DSP: variants seen among roughly 807,000 people sequenced by gnomAD.
DSP encodes the protein 250/210 kDa paraneoplastic pemphigus antigen.
Under a neutral mutation model 290.6 loss-of-function variants are expected in DSP, and 114 were observed. The ratio of observed to expected loss-of-function variants is 0.39; its 90% confidence interval spans 0.34 to 0.46. The LOEUF (loss-of-function observed/expected upper bound fraction) is 0.46. Among genes scored for constraint, DSP ranks in the 20% least tolerant of loss-of-function variants. The pLI is 0.99. For synonymous variants in DSP, 1,311 were observed against 1,316.4 expected (o/e 1.00, Z 0.09); for missense variants, 3,230 against 3,495.8 (o/e 0.92, Z 1.92).
chr6:7,574,745 A>G lies in DSP; in HGVS notation c.2386A>G (p.Thr796Ala), dbSNP rs1554107526. The G allele has an allele frequency of 2.4e-5, 39 of 1,614,172 alleles. 1 individual carries two copies. Among genetic ancestry groups the G allele is most frequent in the South Asian group, 2.3e-4 (21 of 91,084 alleles). Residue 796 changes from threonine (T) to alanine (A), a missense_variant, in exon 17 of 24, where the codon ACT (threonine) becomes GCT (alanine). Transcript: ENST00000379802. ...TGAAGCCAGGCTCACTGAGGAGGAA[A>G]CTGTCTGCCTGGACCTGGATAAAGT... is the stretch of plus-strand genomic sequence containing the variant. The part of the protein sequence containing the change: ...VYEARLTEEE[T>A]VCLDLDKVEA...
Position 7,567,936 on chromosome 6 carries a change from C to T in DSP, c.1266+30C>T. ...CGTCTCAGACCCAGAACCTCAGCAGCTGTGCCTGATCAGGGAGATAAAACA... is the reference window on the plus strand; with the variant it reads ...CGTCTCAGACCCAGAACCTCAGCAGTTGTGCCTGATCAGGGAGATAAAACA... On this transcript the variant is annotated intron_variant, in intron 10 of 23. Transcript: ENST00000379802. 1.9e-6 allele frequency: 3 copies of T among 1,611,554 alleles called. 1 individual carries two copies. The South Asian group carries it at 3.3e-5, about 18-fold the overall frequency.
At chr6:7,573,669 CA>C (rs963663959) in intron 15 of DSP, among the ~76,000 whole-genome samples, 44 of 151,850 alleles carry the variant, frequency 2.9e-4, no homozygotes, top group African/African-American at 1.1e-3. Flanking sequence ...ACACCAGACA[CA>C]AATACTGCTT....
chr6:7,569,086 A>G (rs1758951632), intron 11 of DSP, 100 bp from the exon 12 acceptor site: 1 of 1,521,938 alleles, frequency 6.6e-7, no homozygotes. Flanking sequence ...TAAAAGCTTT[A>G]ATAATTCGCA....
rs148894066 is a variant in DSP, at chr6:7,579,697, C to T, written c.3507C>T (p.Tyr1169=). Residue 1169 remains tyrosine, a synonymous_variant, in exon 23 of 24, where the codon TAC becomes TAT. Coordinates refer to ENST00000379802, the MANE Select transcript of DSP (RefSeq NM_004415.4). This position sits in a 1 kb window ranked among gnomAD's most constrained non-coding sequence, Gnocchi z 4.1. ...ESEKAIKEKE[Y]EIERLRVLLQ... Reference sequence around the variant, plus strand: ...AGAAAGCCATCAAGGAGAAGGAGTACGAGATTGAAAGGTTGAGGGTTCTAC... The same window carrying T: ...AGAAAGCCATCAAGGAGAAGGAGTATGAGATTGAAAGGTTGAGGGTTCTAC... 3.7e-5 allele frequency: 59 copies of T among 1,613,320 alleles called. No individual in the cohort carries two copies. In the East Asian group the frequency reaches 9.8e-4, roughly 27 times the overall value.
intron 3 of DSP, among the ~76,000 whole-genome samples, 154 bp downstream of exon 3, chr6:7,558,418 T>C (rs572461707): frequency 6.4e-4 from 98 of 152,340 alleles, no homozygotes; most frequent in African/African-American, 2.3e-3. Flanking sequence ...AACTTTATTA[T>C]GTATCTCTAA....
intron 1 of DSP, among the ~76,000 whole-genome samples, chr6:7,555,018 G>A (rs1312780756): frequency 6.6e-6 from 1 of 152,120 alleles, no homozygotes; most frequent in Non-Finnish European, 1.5e-5. Flanking sequence ...ACTTGCCAGT[G>A]AAATCTTCAT....
In DSP at chr6:7,578,473, G is replaced by T; in HGVS notation, c.2995G>T (p.Val999Phe). 6.2e-7 allele frequency: 1 copy of T among 1,613,334 alleles called. No individual in the cohort carries two copies. Among genetic ancestry groups the T allele is most frequent in the East Asian group, 2.2e-5 (1 of 44,806 alleles). ...CTTCCTTTTCTCCAAGGCTGCAGAT[G>T]TTCATGCTCGGTACATTGAACTACT... is the stretch of plus-strand genomic sequence containing the variant. ...SGVILQEAAD[V>F]HARYIELLTR... is the part of the protein sequence containing the mutation. The change falls in exon 22 of 24, where the codon GTT becomes TTT. Residue 999 changes from valine (V) to phenylalanine (F), a missense_variant. By Grantham distance (50) the Val-to-Phe change is conservative. Coordinates refer to ENST00000379802, the MANE Select transcript of DSP (RefSeq NM_004415.4).
intron 23 of DSP, 59 bp downstream of exon 23, chr6:7,581,628 A>C: frequency 6.2e-7 from 1 of 1,601,846 alleles, no homozygotes; most frequent in East Asian, 2.2e-5. Flanking sequence ...TCACATTATT[A>C]TCTCATCTGA....
intron 1 of DSP, among the ~76,000 whole-genome samples, chr6:7,554,315 A>G (rs1046372087): frequency 6.6e-6 from 1 of 152,184 alleles, no homozygotes; most frequent in African/African-American, 2.4e-5. Context: ...TATCTTGGTA[A>G]ATTTAAAAGC....
chr6:7,568,320 T>C (rs191988437), intron 10 of DSP, 117 bp from the exon 11 acceptor site: 48 of 1,164,636 alleles, frequency 4.1e-5, no homozygotes, highest in Middle Eastern at 2.0e-4. Flanking sequence ...TTTTTTACAA[T>C]TGATGCAACT....
intron 5 of DSP, among the ~76,000 whole-genome samples, 158 bp downstream of exon 5, chr6:7,562,938 A>G (rs1187275225): frequency 6.6e-6 from 1 of 152,240 alleles, no homozygotes; most frequent in African/African-American, 2.4e-5. Flanking sequence ...GGGAAGTGGA[A>G]TCAGTAGCCC....
In DSP at chr6:7,565,881, A is replaced by G; in HGVS notation, c.939+361A>G. ...TCAGGCAAGATAACTAATGGGTACT[A>G]GGCTTAATCGTGGGTGATGAAATAA... On this transcript the variant is annotated intron_variant, in intron 7 of 23. Transcript: ENST00000379802. This position sits in a 1 kb window ranked among gnomAD's most constrained non-coding sequence, Gnocchi z 4.2. The G allele has an allele frequency of 5.4e-6, 2 of 371,136 alleles. No individual in the cohort carries two copies. The allele number at this position is 371,136 out of a possible 1,614,324, so 23.0% of individuals were successfully genotyped here. A position where few individuals can be genotyped will look rare whatever the true frequency, so the allele number is the denominator to read the frequency against.
At chr6:7,552,776 A>AG (rs1402599195) in intron 1 of DSP, among the ~76,000 whole-genome samples, 1 of 151,774 alleles carries the variant, frequency 6.6e-6, no homozygotes, top group Non-Finnish European at 1.5e-5. Flanking sequence ...TTCTAAAACT[A>AG]GGGGGAGGGA....
At chr6:7,549,176 T>G (rs1345009295) in intron 1 of DSP, among the ~76,000 whole-genome samples, 1 of 151,350 alleles carries the variant, frequency 6.6e-6, no homozygotes. Flanking sequence ...TGAGACGGAG[T>G]TTTGCTCTTG....
At chr6:7,567,514 T>A in intron 9 of DSP, 65 bp downstream of exon 9, 6 of 1,374,258 alleles carry the variant, frequency 4.4e-6, no homozygotes, top group Non-Finnish European at 6.2e-6. Context: ...TTGAGTGTGT[T>A]TTATAAAGCA....
At chr6:7,569,889 C>T (rs1467240309) in intron 12 of DSP, among the ~76,000 whole-genome samples, 3 of 151,916 alleles carry the variant, frequency 2.0e-5, no homozygotes, top group East Asian at 3.8e-4. Context: ...TAATACTTGT[C>T]ATGCACTTCA....
At chr6:7,555,650 A>G in intron 1 of DSP, 68 bp from the exon 2 acceptor site, 1 of 1,492,566 alleles carries the variant, frequency 6.7e-7, no homozygotes, top group Non-Finnish European at 9.3e-7. Context: ...AACTTTTGCA[A>G]GTTTGAAATT....
In DSP at chr6:7,582,006, C is replaced by T. The variant is rs1316892801; in HGVS notation, c.5379+437C>T. Among the ~76,000 whole-genome samples the T allele has an allele frequency of 6.6e-6, 1 of 151,716 alleles. No homozygotes were observed. The highest frequency in any genetic ancestry group is 1.5e-5 in the Non-Finnish European group (1 of 67,924). ...TTTGCCTGCTTAGATGATTTTTTTG[C>T]ATGGATTATTTAGTGTTCGCTTTTG... On this transcript the variant is annotated intron_variant, in intron 23 of 23. Transcript: ENST00000379802. This position sits in a 1 kb window ranked among gnomAD's most constrained non-coding sequence, Gnocchi z 4.2.
At chr6:7,576,534 C>T (rs1759246690) in intron 19 of DSP, 78 bp downstream of exon 19, 14 of 1,555,518 alleles carry the variant, frequency 9.0e-6, no homozygotes, top group Middle Eastern at 1.7e-4. Flanking sequence ...GTTTTTGTAT[C>T]AGTGCCTAGG....
Sources: allele counts gnomAD v4.1 joint callset (sites outside exome capture counted in the v4.1 genomes callset), GRCh38; gene constraint gnomAD v4.1.1; non-coding constraint Gnocchi (gnomAD v3.1); transcripts MANE v1.5; gene names NCBI Gene and HGNC (gene_info 2026-07-23, HGNC 2026-07-21).